EIF4E2: variants seen among roughly 807,000 people sequenced by gnomAD.
EIF4E2 encodes eukaryotic translation initiation factor 4E family member 2, also known as eukaryotic translation initiation factor 4E type 2.
Under a neutral mutation model 34.2 loss-of-function variants are expected in EIF4E2, and 13 were observed. That is an observed-to-expected ratio of 0.38 (90% CI 0.25 to 0.60). The LOEUF (loss-of-function observed/expected upper bound fraction) is 0.60. Ranked by LOEUF, EIF4E2 falls within the 20% of genes least tolerant of loss-of-function variation. The probability of loss-of-function intolerance (pLI) is 0.62; values close to 1 mark genes in which losing one functional copy is unlikely to be tolerated. For missense variants in EIF4E2, 222 were observed against 315.1 expected, an observed-to-expected ratio of 0.70 and a Z score of 2.24; for synonymous variants, 100 against 106.6, an observed-to-expected ratio of 0.94 and a Z score of 0.38.
chr2:232,574,426 C>T (rs1693161608), intron 6 of EIF4E2: 2 of 1,392,320 alleles, frequency 1.4e-6, no homozygotes, highest in Non-Finnish European at 2.0e-6. Context: ...CCAAACTTGC[C>T]TCTACCAACA....
intron 1 of EIF4E2, among the ~76,000 whole-genome samples, chr2:232,556,049 C>T (rs897893823): frequency 1.3e-5 from 2 of 152,148 alleles, no homozygotes; most frequent in African/African-American, 4.8e-5. Flanking sequence ...GCAGATAGTA[C>T]GTTTTTAACC....
chr2:232,580,094 ACACACACACACAC>A (rs1256763933), intron 6 of EIF4E2, among the ~76,000 whole-genome samples: 1 of 27,572 alleles, frequency 3.6e-5, no homozygotes, highest in African/African-American at 3.0e-4. Context: ...CCACACACAC[ACACACACACACAC>A]ACACACACAC....
chr2:232,578,862 G>C (rs1281669324), intron 6 of EIF4E2, among the ~76,000 whole-genome samples: 1 of 152,066 alleles, frequency 6.6e-6, no homozygotes, highest in Non-Finnish European at 1.5e-5. Flanking sequence ...AATTGCCCAA[G>C]TCAGCAAATT....
intron 1 of EIF4E2, among the ~76,000 whole-genome samples, chr2:232,554,336 T>C (rs719791): frequency 0.033 from 5,070 of 152,128 alleles, 160 homozygotes; most frequent in African/African-American, 0.074. Context: ...AAAATTAGGG[T>C]GATACAACTG....
downstream of EIF4E2, chr2:232,569,264 C>T: frequency 1.5e-6 from 2 of 1,340,906 alleles, no homozygotes; most frequent in Non-Finnish European, 1.9e-6. Context: ...GCCTTTCGGA[C>T]TGACTGTCAC....
chr2:232,554,863 ATGAAATGC>A (rs1692469225), intron 1 of EIF4E2, among the ~76,000 whole-genome samples: 1 of 152,094 alleles, frequency 6.6e-6, no homozygotes, highest in South Asian at 2.1e-4. Flanking sequence ...CATCTCCTGG[ATGAAATGC>A]TGAGGGGAGG....
chr2:232,551,068 T>C, intron 1 of EIF4E2: 1 of 628,352 alleles, frequency 1.6e-6, no homozygotes, highest in South Asian at 1.6e-5. Flanking sequence ...GGTGGGGACC[T>C]CGGCGGTTTG....
chr2:232,567,795 T>C (rs1692987135), intron 6 of EIF4E2: 2 of 985,792 alleles, frequency 2.0e-6, no homozygotes, highest in Non-Finnish European at 2.4e-6. Flanking sequence ...CTCAGGGAAA[T>C]AGAGCTCTCT....
Position 232,557,906 on chromosome 2 carries a change from A to G in EIF4E2, c.158A>G (p.Glu53Gly). Reference sequence around the variant, plus strand: ...CAGGCTGTTGTCCCTGGACCGGCAGAGCATCCCCTGCAGTACAACTACACT... The same window carrying G: ...CAGGCTGTTGTCCCTGGACCGGCAGGGCATCCCCTGCAGTACAACTACACT... ...KRKAVVPGPA[E>G]HPLQYNYTFW... Residue 53 changes from glutamate to glycine, a missense_variant, in exon 3 of 7, where the codon GAG becomes GGG. By Grantham distance (98) the Glu-to-Gly change is moderately conservative. Coordinates refer to ENST00000258416, the MANE Select transcript of EIF4E2 (RefSeq NM_004846.4). The G allele has an allele frequency of 6.2e-7, 1 of 1,613,818 alleles. No individual in the cohort carries two copies. The highest frequency in any genetic ancestry group is 8.5e-7 in the Non-Finnish European group (1 of 1,179,948).
intron 6 of EIF4E2, among the ~76,000 whole-genome samples, chr2:232,576,163 C>T (rs1174428862): frequency 2.1e-4 from 32 of 151,436 alleles, no homozygotes; most frequent in Non-Finnish European, 1.5e-5. Context: ...AAGATCATGC[C>T]ACTGTACTCC....
rs575284880 is a variant in EIF4E2 at position 232,564,701 on chromosome 2, T to C, written c.375+350T>C. On this transcript the variant is annotated intron_variant, in intron 4 of 6. Coordinates refer to ENST00000258416, the MANE Select transcript of EIF4E2 (RefSeq NM_004846.4). The stretch of plus-strand genomic sequence containing the variant: ...CTCCTGACCTCGTGATCCGCCCGCC[T>C]TGGACTCCCAAAATGCTGGGATTAC... Among the ~76,000 whole-genome samples the C allele has an allele frequency of 4.6e-5, 7 of 152,328 alleles. No homozygotes were observed. The South Asian group carries it at 1.0e-3, about 23-fold the overall frequency.
chr2:232,550,696 G>C lies in EIF4E2; in HGVS notation c.-29G>C. On this transcript the variant is annotated 5_prime_UTR_variant, in exon 1 of 7. Coordinates refer to ENST00000258416, the MANE Select transcript of EIF4E2 (RefSeq NM_004846.4). The stretch of plus-strand genomic sequence containing the variant: ...CCCGGTGGAGCGGAAGTCACTCCCT[G>C]AGGCAGTGGCGACAGCGGCGGCGAG... The C allele has an allele frequency of 6.3e-7, 1 of 1,583,604 alleles. No individual in the cohort carries two copies. Among genetic ancestry groups the C allele is most frequent in the Non-Finnish European group, 8.6e-7 (1 of 1,166,490 alleles).
intron 3 of EIF4E2, chr2:232,558,626 T>A (rs1692607908): frequency 6.6e-6 from 1 of 151,894 alleles, no homozygotes; most frequent in African/African-American, 2.4e-5. Flanking sequence ...TTTGTTTTTT[T>A]TTTTAAGTAT....
chr2:232,580,060 A>G (rs1454876584), intron 6 of EIF4E2, among the ~76,000 whole-genome samples: 1 of 150,770 alleles, frequency 6.6e-6, no homozygotes, highest in Non-Finnish European at 1.5e-5. Flanking sequence ...AAGAGGACAC[A>G]TATTGGGATC....
At chr2:232,559,441 A>AAAAAAAAT (rs137972142) in intron 3 of EIF4E2, among the ~76,000 whole-genome samples, 32,349 of 134,880 alleles carry the variant, frequency 0.24, 3,634 homozygotes, top group Admixed American at 0.33. Context: ...TGGTTTGAAA[A>AAAAAAAAT]AAATAAAAAA....
chr2:232,552,620 G>A (rs2106232374), intron 1 of EIF4E2, among the ~76,000 whole-genome samples: 1 of 152,322 alleles, frequency 6.6e-6, no homozygotes, highest in South Asian at 2.1e-4. Flanking sequence ...CAAAGGAAGG[G>A]CTATCCCAGG....
rs549812244 is a variant in EIF4E2 at position 232,563,123 on chromosome 2, A to G, written c.271-1124A>G. Among the ~76,000 whole-genome samples the G allele has an allele frequency of 6.0e-4, 92 of 152,352 alleles. 1 individual carries two copies. Among genetic ancestry groups the G allele is most frequent in the African/African-American group, 2.2e-3 (91 of 41,578 alleles). Reference sequence around the variant, plus strand: ...GTGGTATCTTGCTGTATGTTGATTTAGAGCCTGCTCAGCAGTTTAGCAGAT... The same window carrying G: ...GTGGTATCTTGCTGTATGTTGATTTGGAGCCTGCTCAGCAGTTTAGCAGAT... On this transcript the variant is annotated intron_variant, in intron 3 of 6. Transcript: ENST00000258416.
At chr2:232,579,148 A>ACACAC (rs1693287591) in intron 6 of EIF4E2, among the ~76,000 whole-genome samples, 1 of 151,696 alleles carries the variant, frequency 6.6e-6, no homozygotes, top group Non-Finnish European at 1.5e-5. Flanking sequence ...ACACACACAC[A>ACACAC]CACACACACA....
Position 232,556,459 on chromosome 2 carries a change from A to T in EIF4E2, c.64A>T (p.Asn22Tyr). The T allele has an allele frequency of 1.9e-6, 3 of 1,613,954 alleles. No individual in the cohort carries two copies. The highest frequency in any genetic ancestry group is 2.5e-6 in the Non-Finnish European group (3 of 1,179,964). The change falls in exon 2 of 7, where the codon AAC (asparagine) becomes TAC (tyrosine). Residue 22 changes from asparagine to tyrosine, a missense_variant. Physicochemically the swap from Asn to Tyr is moderately radical, Grantham distance 143. This residue lies in a region of EIF4E2 where 87 missense variants were observed against 93.6 expected (regional missense o/e 0.93). Coordinates refer to ENST00000258416, the MANE Select transcript of EIF4E2 (RefSeq NM_004846.4). ...TGGGGACCATGATCAGAATGAAGAA[A>T]ACAGCACACAGAAAGATGGTGAGAA... ...DSGDHDQNEENSTQKDGEKEK... is the reference protein window; with the variant it reads ...DSGDHDQNEEYSTQKDGEKEK...
Sources: allele counts gnomAD v4.1 joint callset (sites outside exome capture counted in the v4.1 genomes callset), GRCh38; gene constraint gnomAD v4.1.1; regional missense constraint gnomAD v4.1.1; transcripts MANE v1.5; gene names NCBI Gene and HGNC (gene_info 2026-07-23, HGNC 2026-07-21).